ZNF138: variants seen among roughly 807,000 people sequenced by gnomAD.
ZNF138 encodes the protein zinc finger protein 138, also known as zinc finger protein 138 (clone pHZ-32).
Under a neutral mutation model 33.0 loss-of-function variants are expected in ZNF138, and 33 were observed. That is an observed-to-expected ratio of 1.00 (90% CI 0.76 to 1.34). ZNF138 has a LOEUF of 1.34. ZNF138 is among the 40% of genes most tolerant of loss of function. The pLI, the probability that ZNF138 is intolerant of heterozygous loss-of-function variation, is 0.00. For missense variants in ZNF138, 360 were observed against 370.8 expected (o/e 0.97, Z 0.24); for synonymous variants, 139 against 120.4 (o/e 1.15, Z -1.01).
At chr7:64,822,162 AC>A (rs1789215996) in intron 3 of ZNF138, among the ~76,000 whole-genome samples, 1 of 148,088 alleles carries the variant, frequency 6.8e-6, no homozygotes, top group Non-Finnish European at 1.5e-5. Context: ...CTCAAGATCC[AC>A]CCACCTTGGC....
intron 1 of ZNF138, among the ~76,000 whole-genome samples, chr7:64,799,598 A>T (rs892161780): frequency 7.2e-5 from 11 of 151,960 alleles, no homozygotes; most frequent in African/African-American, 1.7e-4. Context: ...TGGATGTTTT[A>T]TTATTTTTGT....
intron 1 of ZNF138, among the ~76,000 whole-genome samples, chr7:64,795,794 G>GT (rs752046302): frequency 2.0e-5 from 3 of 151,710 alleles, no homozygotes. Flanking sequence ...TCACTCTTCA[G>GT]TTTTTTCCTT....
At chr7:64,811,067 T>C (rs1235392857) in intron 1 of ZNF138, among the ~76,000 whole-genome samples, 1 of 152,204 alleles carries the variant, frequency 6.6e-6, no homozygotes, top group African/African-American at 2.4e-5. Context: ...CTAAGCTGCA[T>C]TAAAGTTTTT....
chr7:64,807,997 G>A (rs548428581), intron 1 of ZNF138, among the ~76,000 whole-genome samples: 1 of 152,298 alleles, frequency 6.6e-6, no homozygotes, highest in African/African-American at 2.4e-5. Flanking sequence ...TCCAGGTTCT[G>A]GAGCTCCGCT....
chr7:64,852,501 C>T, the ZNF138 span: 1 of 1,578,516 alleles, frequency 6.3e-7, no homozygotes, highest in Non-Finnish European at 8.7e-7. Flanking sequence ...TTGCCCTTCT[C>T]TACAATCCCA....
intron 2 of ZNF138, 130 bp from the exon 3 acceptor site, chr7:64,815,446 G>A: frequency 1.5e-6 from 1 of 653,664 alleles, no homozygotes; most frequent in Non-Finnish European, 2.4e-6. Context: ...TAGCATTTTG[G>A]GATTAATTTA....
chr7:64,794,603 G>T (rs757723908), intron 1 of ZNF138, 32 bp downstream of exon 1: 13 of 1,613,136 alleles, frequency 8.1e-6, no homozygotes, highest in African/African-American at 1.3e-5. Context: ...TCCCGAGAGA[G>T]GGGGAGGGAG....
At chr7:64,820,518 G>T (rs12154807) in intron 3 of ZNF138, among the ~76,000 whole-genome samples, 142,078 of 151,588 alleles carry the variant, frequency 0.94, 66,788 homozygotes, top group South Asian at 0.98. Context: ...TCAGGTCCTG[G>T]GTTGCATAGT....
At chr7:64,855,879 C>T in the ZNF138 span, among the ~76,000 whole-genome samples, 20 of 7,744 alleles carry the variant, frequency 2.6e-3, no homozygotes, top group Admixed American at 3.0e-3. Flanking sequence ...ACCTCCCAGC[C>T]GCCTGCCTTG....
At chr7:64,831,083 GTTA>G in intron 3 of ZNF138, 1 of 1,549,078 alleles carries the variant, frequency 6.5e-7, no homozygotes. Flanking sequence ...AGATGTATGT[GTTA>G]TTATTTCTCT....
intron 1 of ZNF138, among the ~76,000 whole-genome samples, chr7:64,805,966 GCAATCTCTTAAA>G (rs1421269258): frequency 6.6e-6 from 1 of 152,200 alleles, no homozygotes; most frequent in African/African-American, 2.4e-5. Flanking sequence ...TTCTGTCTTT[GCAATCTCTTAAA>G]CAGATTGAGT....
At position 64,818,044 on chromosome 7, in the gene ZNF138, G is replaced by A. The variant is rs1406153172; in HGVS notation, c.208+2391G>A. Among the ~76,000 whole-genome samples, 3 of 141,290 alleles carry A rather than the reference G, an allele frequency of 2.1e-5. No homozygotes were observed. The East Asian group carries it at 6.2e-4, about 29-fold the overall frequency. The allele number at this position is 141,290 out of a possible 152,430, so 92.7% of individuals were successfully genotyped here. A position where few individuals can be genotyped will look rare whatever the true frequency, so the allele number is the denominator to read the frequency against. ...AGTCTCACTCTGCACCCAGGCTGGA[G>A]TGCAGCAGTACAATCTTGGCTTACT... On this transcript the variant is annotated intron_variant, in intron 3 of 3. Coordinates refer to ENST00000307355, the MANE Select transcript of ZNF138 (RefSeq NM_001271639.2).
intron 3 of ZNF138, among the ~76,000 whole-genome samples, chr7:64,816,489 ATTTGT>A (rs1305196801): frequency 1.3e-5 from 2 of 151,930 alleles, no homozygotes; most frequent in East Asian, 3.9e-4. Flanking sequence ...TTATCAGATA[ATTTGT>A]TTTAAGTATA....
intron 3 of ZNF138, among the ~76,000 whole-genome samples, chr7:64,818,463 C>A (rs1167807703): frequency 6.6e-6 from 1 of 152,022 alleles, no homozygotes; most frequent in South Asian, 2.1e-4. Flanking sequence ...TCTTTAAATG[C>A]TTGTTGAGCC....
At chr7:64,812,470 GT>G (rs1788256296) in intron 1 of ZNF138, among the ~76,000 whole-genome samples, 1 of 152,048 alleles carries the variant, frequency 6.6e-6, no homozygotes, top group South Asian at 2.1e-4. Context: ...TGAGAGTTAA[GT>G]TTTACCTTTT....
intron 3 of ZNF138, among the ~76,000 whole-genome samples, chr7:64,828,617 G>T (rs543258467): frequency 1.3e-5 from 2 of 152,184 alleles, no homozygotes; most frequent in East Asian, 3.9e-4. Context: ...AAAATTATGA[G>T]TATAAAAATG....
chr7:64,826,206 G>C (rs1188031489), intron 3 of ZNF138, among the ~76,000 whole-genome samples: 1 of 152,020 alleles, frequency 6.6e-6, no homozygotes, highest in African/African-American at 2.4e-5. Flanking sequence ...TGTGTTTCCT[G>C]TAGTTTTTTT....
the ZNF138 span, among the ~76,000 whole-genome samples, chr7:64,859,143 G>T: frequency 6.6e-6 from 1 of 152,036 alleles, no homozygotes; most frequent in African/African-American, 2.4e-5. Context: ...GGCCAGGCTG[G>T]TCTTGAATTC....
intron 1 of ZNF138, among the ~76,000 whole-genome samples, chr7:64,795,395 C>T (rs1309913346): frequency 1.3e-5 from 2 of 152,144 alleles, no homozygotes; most frequent in Non-Finnish European, 2.9e-5. Flanking sequence ...CTCAAGACTC[C>T]TCCCCCTCCC....
Sources: allele counts gnomAD v4.1 joint callset (sites outside exome capture counted in the v4.1 genomes callset), GRCh38; gene constraint gnomAD v4.1.1; transcripts MANE v1.5; gene names NCBI Gene and HGNC (gene_info 2026-07-23, HGNC 2026-07-21).